MACROD2: variants seen among roughly 807,000 people sequenced by gnomAD.
MACROD2 encodes ADP-ribose glycohydrolase MACROD2.
A neutral mutation model predicts 70.4 loss-of-function variants in MACROD2; 36 were observed. That is an observed-to-expected ratio of 0.51 (90% CI 0.39 to 0.68). The LOEUF (loss-of-function observed/expected upper bound fraction) is 0.68, where lower values mean the gene tolerates loss of function less well. MACROD2 is among the 30% of genes least tolerant of loss of function. The pLI is 0.00. For synonymous variants in MACROD2, 172 were observed against 178.8 expected (o/e 0.96, Z 0.30); for missense variants, 496 against 538.4 (o/e 0.92, Z 0.78).
intron 5 of MACROD2, chr20:14,685,229 T>G (rs2070987784): frequency 6.0e-6 from 1 of 167,928 alleles, no homozygotes; most frequent in Non-Finnish European, 1.3e-5. Flanking sequence ...ACAGAGTGTC[T>G]CTGAAAGGGA....
intron 4 of MACROD2, among the ~76,000 whole-genome samples, chr20:14,568,291 C>T (rs1209216194): frequency 1.3e-5 from 2 of 152,038 alleles, no homozygotes; most frequent in Admixed American, 6.6e-5. Context: ...TGATCTGACA[C>T]TGCAGAAGGC....
At chr20:14,609,588 T>C (rs561363957) in intron 4 of MACROD2, among the ~76,000 whole-genome samples, 15 of 152,152 alleles carry the variant, frequency 9.9e-5, no homozygotes, top group Admixed American at 4.6e-4. Flanking sequence ...TTGGCTTTGA[T>C]TTCCATTGCA....
chr20:15,861,057 T>A (rs1381391589), intron 8 of MACROD2, among the ~76,000 whole-genome samples: 1 of 152,186 alleles, frequency 6.6e-6, no homozygotes, highest in Non-Finnish European at 1.5e-5. Flanking sequence ...AAGCTTAAAT[T>A]CCTTTTACTG....
At chr20:15,644,782 C>T (rs2049515803) in intron 8 of MACROD2, among the ~76,000 whole-genome samples, 1 of 152,152 alleles carries the variant, frequency 6.6e-6, no homozygotes, top group Non-Finnish European at 1.5e-5. Flanking sequence ...CTCCGCCTCC[C>T]AGGCTCAAGT....
intron 15 of MACROD2, among the ~76,000 whole-genome samples, chr20:16,014,989 G>A (rs2066910722): frequency 6.6e-6 from 1 of 152,044 alleles, no homozygotes. Flanking sequence ...TTTTGCTGTT[G>A]GACATCACTT....
chr20:15,376,199 G>A (rs943647947), intron 6 of MACROD2, among the ~76,000 whole-genome samples: 2 of 152,144 alleles, frequency 1.3e-5, no homozygotes, highest in Non-Finnish European at 2.9e-5. Context: ...TTTTGGATTG[G>A]TAGGTAATGA....
intron 5 of MACROD2, among the ~76,000 whole-genome samples, chr20:14,973,111 C>T (rs1412329235): frequency 2.0e-5 from 3 of 151,738 alleles, no homozygotes; most frequent in Non-Finnish European, 4.4e-5. Flanking sequence ...ATAAATCATA[C>T]AGTTAATTAA....
At chr20:15,297,569 A>C (rs188176271) in intron 6 of MACROD2, among the ~76,000 whole-genome samples, 1 of 152,154 alleles carries the variant, frequency 6.6e-6, no homozygotes, top group African/African-American at 2.4e-5. Flanking sequence ...GGTTTTTCTC[A>C]TTTATTTCAG....
chr20:15,809,874 T>TTTA (rs1555782136), intron 8 of MACROD2, among the ~76,000 whole-genome samples: 1 of 151,546 alleles, frequency 6.6e-6, no homozygotes, highest in Admixed American at 6.6e-5. Context: ...TTTTTTTTTT[T>TTTA]TTATTATACT....
At chr20:14,760,715 A>G (rs1485086818) in intron 5 of MACROD2, among the ~76,000 whole-genome samples, 1 of 152,036 alleles carries the variant, frequency 6.6e-6, no homozygotes, top group Non-Finnish European at 1.5e-5. Flanking sequence ...GAAAGTGAAC[A>G]TATGCCCTTT....
chr20:15,121,808 G>T (rs1838002146), intron 5 of MACROD2, among the ~76,000 whole-genome samples: 2 of 152,082 alleles, frequency 1.3e-5, no homozygotes, highest in African/African-American at 4.8e-5. Context: ...AAGAAATGAG[G>T]GTTCAGAATG....
chr20:15,365,864 C>T (rs1386485043), intron 6 of MACROD2, among the ~76,000 whole-genome samples: 1 of 152,058 alleles, frequency 6.6e-6, no homozygotes, highest in Admixed American at 6.6e-5. Flanking sequence ...ATTATATCTA[C>T]TAGGAAAAGC....
intron 7 of MACROD2, among the ~76,000 whole-genome samples, chr20:15,442,616 C>A (rs2046510724): frequency 6.6e-6 from 1 of 152,060 alleles, no homozygotes; most frequent in South Asian, 2.1e-4. Context: ...GTCTTGTGAC[C>A]AATGTCTGCA....
intron 5 of MACROD2, among the ~76,000 whole-genome samples, chr20:15,046,763 T>G (rs138446210): frequency 2.6e-5 from 4 of 152,328 alleles, no homozygotes; most frequent in African/African-American, 9.6e-5. Flanking sequence ...ACCTGTCCAG[T>G]TGGCCTCTCT....
chr20:14,011,821 G>T (rs1406239717), intron 2 of MACROD2, among the ~76,000 whole-genome samples: 1 of 151,862 alleles, frequency 6.6e-6, no homozygotes, highest in African/African-American at 2.4e-5. Flanking sequence ...GAGCCACCGC[G>T]CCTGGCCTCC....
At chr20:15,061,678 G>A (rs1447053408) in intron 5 of MACROD2, among the ~76,000 whole-genome samples, 1 of 152,144 alleles carries the variant, frequency 6.6e-6, no homozygotes, top group Non-Finnish European at 1.5e-5. Flanking sequence ...TCTCATTAAG[G>A]ATTCGTTTAG....
chr20:15,118,583 A>G (rs564908865), intron 5 of MACROD2, among the ~76,000 whole-genome samples: 4 of 152,272 alleles, frequency 2.6e-5, no homozygotes, highest in African/African-American at 9.6e-5. Context: ...ACCAATGAGA[A>G]TTCTCCTTAA....
At chr20:13,999,933 G>A (rs991417047) in intron 1 of MACROD2, among the ~76,000 whole-genome samples, 2 of 152,182 alleles carry the variant, frequency 1.3e-5, no homozygotes, top group Non-Finnish European at 2.9e-5. Context: ...AGAATCGCTT[G>A]AACCCAGGAG....
rs200372429 is a variant in MACROD2 at position 15,771,545 on chromosome 20, TA to T, written c.646-91189del. Among the ~76,000 whole-genome samples the T allele has an allele frequency of 7.4e-4, 107 of 145,422 alleles. 1 individual carries two copies. Among genetic ancestry groups the T allele is most frequent in the South Asian group, 5.2e-3 (24 of 4,592 alleles). On this transcript the variant is annotated intron_variant, in intron 8 of 17. Transcript: ENST00000684519. Reference sequence around the variant, plus strand: ...CAGTCTTTTGTCTAAATTTTCTATTTAAAAAAAAAAAGTTAGAAAGCAGCTT... The same window carrying T: ...CAGTCTTTTGTCTAAATTTTCTATTTAAAAAAAAAAGTTAGAAAGCAGCTT...
Sources: gnomAD v4.1 joint callset for allele counts (sites outside exome capture counted in the v4.1 genomes callset) on GRCh38, gnomAD v4.1.1 for gene constraint, MANE v1.5 for transcripts, NCBI Gene and HGNC (gene_info 2026-07-23, HGNC 2026-07-21) for gene names.